The following FERMT2 variants were observed in gnomAD, a reference collection of about 807,000 sequenced individuals.
The protein encoded by FERMT2 is FERM domain containing kindlin 2, also known as fermitin family homolog 2.
In FERMT2, 15 loss-of-function variants were observed where a neutral mutation model predicts 82.7. The ratio of observed to expected loss-of-function variants is 0.18; its 90% CI spans 0.12 to 0.28. FERMT2 has a LOEUF of 0.28. Ranked by LOEUF, FERMT2 falls within the 10% of genes least tolerant of loss-of-function variation. The probability of loss-of-function intolerance (pLI) is 1.00; values close to 1 mark genes in which losing one functional copy is unlikely to be tolerated. For missense variants in FERMT2, 645 were observed against 809.4 expected, an observed-to-expected ratio of 0.80 and a Z score of 2.46; for synonymous variants, 274 against 271.5, an observed-to-expected ratio of 1.01 and a Z score of -0.09.
chr14:52,950,439 C>A lies in FERMT2; in HGVS notation c.130G>T (p.Val44Leu), dbSNP rs1418082135. The A allele has an allele frequency of 4.3e-6, 7 of 1,613,900 alleles. No individual in the cohort carries two copies. Among genetic ancestry groups the A allele is most frequent in the African/African-American group, 4.0e-5 (3 of 74,920 alleles). Residue 44 changes from valine to leucine, a missense_variant, in exon 2 of 15, where the codon GTG becomes TTG. Coordinates refer to ENST00000341590, the MANE Select transcript of FERMT2 (RefSeq NM_006832.3). ...AGTTTCTCCACCAGCTTAAGCATCA[C>A]GCCTCCAATGTGCACCTCGCCGGTC... ...RVTGEVHIGG[V>L]MLKLVEKLDV...
intron 3 of FERMT2, among the ~76,000 whole-genome samples, chr14:52,907,561 C>A (rs564273743): frequency 6.6e-6 from 1 of 152,044 alleles, no homozygotes; most frequent in African/African-American, 2.4e-5. Context: ...GAGTAAAATA[C>A]ATGACACAAA....
At chr14:52,907,756 T>C (rs1186170253) in intron 3 of FERMT2, among the ~76,000 whole-genome samples, 1 of 150,042 alleles carries the variant, frequency 6.7e-6, no homozygotes, top group Non-Finnish European at 1.5e-5. Context: ...ATGAATATAA[T>C]CAAAACAACC....
At chr14:52,910,038 C>T (rs1313485610) in intron 3 of FERMT2, among the ~76,000 whole-genome samples, 1 of 151,924 alleles carries the variant, frequency 6.6e-6, no homozygotes, top group Non-Finnish European at 1.5e-5. Context: ...GGCGACAGAG[C>T]GAGACTCCAT....
intron 3 of FERMT2, among the ~76,000 whole-genome samples, chr14:52,907,865 T>C (rs1172372260): frequency 1.3e-5 from 2 of 152,112 alleles, no homozygotes; most frequent in Non-Finnish European, 2.9e-5. Flanking sequence ...TAAATTGGTC[T>C]TCACCAAAAT....
chr14:52,916,941 A>G (rs1475035110), intron 3 of FERMT2, among the ~76,000 whole-genome samples: 1 of 152,258 alleles, frequency 6.6e-6, no homozygotes, highest in Non-Finnish European at 1.5e-5. Flanking sequence ...TTAAAAACAT[A>G]TTTAGCTTTG....
chr14:52,883,097 G>A (rs938587289), intron 4 of FERMT2, among the ~76,000 whole-genome samples: 2 of 152,070 alleles, frequency 1.3e-5, no homozygotes, highest in African/African-American at 2.4e-5. Context: ...AGGCTGCAGT[G>A]AGCCAAGATT....
At position 52,941,332 on chromosome 14, in the gene FERMT2, A is replaced by G. The variant is rs78885090; in HGVS notation, c.157+9080T>C. Among the ~76,000 whole-genome samples the G allele has an allele frequency of 3.5e-3, 535 of 152,292 alleles. 25 individuals are homozygous for G. The East Asian group carries it at 0.089, about 25-fold the overall frequency. ...AAAGGAAACTTTTGGGAGTACTGTA[A>G]AAGTTTTCTATCTTGACTGTGGTAG... is the stretch of plus-strand genomic sequence containing the variant. On this transcript the variant is annotated intron_variant, in intron 2 of 14. Coordinates refer to ENST00000341590, the MANE Select transcript of FERMT2 (RefSeq NM_006832.3).
intron 6 of FERMT2, among the ~76,000 whole-genome samples, chr14:52,879,987 A>G (rs2140114332): frequency 6.6e-6 from 1 of 152,332 alleles, no homozygotes; most frequent in Non-Finnish European, 1.5e-5. Flanking sequence ...TTGGCTGAGC[A>G]TGGTGGCTCA....
intron 2 of FERMT2, among the ~76,000 whole-genome samples, chr14:52,932,409 G>T (rs1039858408): frequency 2.0e-5 from 3 of 152,298 alleles, no homozygotes; most frequent in African/African-American, 7.2e-5. Context: ...AGGAGGCAAA[G>T]AGATTATTAA....
intron 4 of FERMT2, 23 bp from the exon 5 acceptor site, chr14:52,881,492 G>T: frequency 6.6e-7 from 1 of 1,512,728 alleles, no homozygotes; most frequent in Non-Finnish European, 9.2e-7. Flanking sequence ...ATGAAAAACA[G>T]GTAGTAAGTA....
intron 3 of FERMT2, 125 bp from the exon 4 acceptor site, chr14:52,893,552 T>C (rs1887077220): frequency 1.4e-6 from 1 of 691,496 alleles, no homozygotes; most frequent in Non-Finnish European, 2.4e-6. Context: ...GTGTCAGACA[T>C]TGATGTCATG....
chr14:52,914,195 T>A (rs1333634501), intron 3 of FERMT2, among the ~76,000 whole-genome samples: 1 of 151,188 alleles, frequency 6.6e-6, no homozygotes, highest in Non-Finnish European at 1.5e-5. Flanking sequence ...AGACCCTGTC[T>A]CTACAAAAAA....
At chr14:52,873,397 C>T (rs2140094485) in intron 9 of FERMT2, among the ~76,000 whole-genome samples, 1 of 152,264 alleles carries the variant, frequency 6.6e-6, no homozygotes, top group South Asian at 2.1e-4. Flanking sequence ...GGGGTAAATT[C>T]CAATGGTGAC....
At chr14:52,861,689 T>G (rs1232627607) in intron 12 of FERMT2, 1 of 152,640 alleles carries the variant, frequency 6.6e-6, no homozygotes, top group African/African-American at 2.4e-5. Context: ...CCATTTAGAT[T>G]AACATAAATC....
chr14:52,911,732 C>T (rs1340803177), intron 3 of FERMT2, among the ~76,000 whole-genome samples: 1 of 151,850 alleles, frequency 6.6e-6, no homozygotes, highest in Non-Finnish European at 1.5e-5. Context: ...AATACCCTTC[C>T]CTCTTTTCTA....
In FERMT2 at chr14:52,860,397, T is replaced by C; in HGVS notation, c.1671A>G (p.Arg557=). ...GTAGTGACTGCCAAGCTTGAATAAA[T>C]CTCATCTTGGCTTCAATTAGACTCA... The part of the protein sequence containing the change: ...AQMSLIEAKM[R]FIQAWQSLPE... Residue 557 remains arginine (R), a synonymous_variant, in exon 13 of 15, where the codon AGA becomes AGG. Coordinates refer to ENST00000341590, the MANE Select transcript of FERMT2 (RefSeq NM_006832.3). 1 of 1,613,864 alleles carries C rather than the reference T, an allele frequency of 6.2e-7. No homozygotes were observed. The highest frequency in any genetic ancestry group is 8.5e-7 in the Non-Finnish European group (1 of 1,179,840).
At chr14:52,872,698 T>C (rs1566721644) in intron 10 of FERMT2, 101 bp downstream of exon 10, 8 of 1,263,956 alleles carry the variant, frequency 6.3e-6, no homozygotes, top group Non-Finnish European at 8.8e-6. Context: ...GTAAAGAAAT[T>C]GATTTTTTTA....
chr14:52,914,676 T>C (rs1459292033), intron 3 of FERMT2, among the ~76,000 whole-genome samples: 2 of 152,104 alleles, frequency 1.3e-5, no homozygotes, highest in Non-Finnish European at 2.9e-5. Context: ...TCCCAGAACT[T>C]TGGGAGGCCG....
intron 10 of FERMT2, among the ~76,000 whole-genome samples, chr14:52,866,324 C>A (rs886583577): frequency 6.6e-6 from 1 of 152,148 alleles, no homozygotes; most frequent in South Asian, 2.1e-4. Flanking sequence ...ACAGCCAATT[C>A]TGGTCACAAT....
Sources: gnomAD v4.1 joint callset for allele counts (sites outside exome capture counted in the v4.1 genomes callset) on GRCh38, gnomAD v4.1.1 for gene constraint, MANE v1.5 for transcripts, NCBI Gene and HGNC (gene_info 2026-07-23, HGNC 2026-07-21) for gene names.